TNIP3: variants seen among roughly 807,000 people sequenced by gnomAD.
The protein encoded by TNIP3 is TNFAIP3 interacting protein 3.
TNIP3 carries 34 observed loss-of-function variants against 54.1 expected under a neutral mutation model. The ratio of observed to expected loss-of-function variants is 0.63; its 90% CI spans 0.48 to 0.84. The LOEUF is 0.84. TNIP3 is among the 40% of genes least tolerant of loss of function. The pLI, the probability that TNIP3 is intolerant of heterozygous loss-of-function variation, is 0.00. For missense variants in TNIP3, 366 were observed against 387.6 expected, an observed-to-expected ratio of 0.94 and a Z score of 0.47; for synonymous variants, 134 against 136.8, an observed-to-expected ratio of 0.98 and a Z score of 0.14.
At chr4:121,140,107 G>T (rs1165793706) in intron 9 of TNIP3, among the ~76,000 whole-genome samples, 1 of 152,006 alleles carries the variant, frequency 6.6e-6, no homozygotes, top group Non-Finnish European at 1.5e-5. Flanking sequence ...AGGCCAAGGT[G>T]GGCGGATCAT....
In TNIP3 at chr4:121,150,271, A is replaced by G. The variant is rs759333088; in HGVS notation, c.493-52T>C. The G allele has an allele frequency of 1.1e-5, 13 of 1,137,506 alleles. No individual in the cohort carries two copies. The Admixed American group carries it at 1.2e-4, about 10-fold the overall frequency. 70.5% of individuals were successfully genotyped at this position (1,137,506 alleles called of 1,614,324 possible). ...GATCTAAGATTTACCACATGGAATG[A>G]ATTCTTTTATAATTGTTACAATCAT... On this transcript the variant is annotated intron_variant, in intron 5 of 10. Coordinates refer to ENST00000057513, the MANE Select transcript of TNIP3 (RefSeq NM_024873.6).
intron 2 of TNIP3, among the ~76,000 whole-genome samples, chr4:121,203,219 A>AGATAGAT (rs772916992): frequency 8.1e-5 from 11 of 135,166 alleles, no homozygotes; most frequent in Non-Finnish European, 1.6e-4. Context: ...AATGTGATAT[A>AGATAGAT]GATAGATAGA....
At chr4:121,187,338 C>A (rs1725075222) in intron 2 of TNIP3, among the ~76,000 whole-genome samples, 1 of 152,170 alleles carries the variant, frequency 6.6e-6, no homozygotes, top group Non-Finnish European at 1.5e-5. Flanking sequence ...AGTTATGGCT[C>A]CAATGATCTC....
At chr4:121,194,939 G>A (rs1225508598) in intron 2 of TNIP3, among the ~76,000 whole-genome samples, 2 of 152,094 alleles carry the variant, frequency 1.3e-5, no homozygotes, top group Non-Finnish European at 2.9e-5. Flanking sequence ...AAGCCAAGGT[G>A]GGCGGATCAC....
upstream of TNIP3, among the ~76,000 whole-genome samples, chr4:121,218,361 A>C (rs965276968): frequency 2.0e-5 from 3 of 152,214 alleles, no homozygotes; most frequent in African/African-American, 7.2e-5. Flanking sequence ...GACATTAATT[A>C]GTTTACTGAA....
chr4:121,180,371 G>A (rs983047200), intron 3 of TNIP3, among the ~76,000 whole-genome samples: 1 of 152,110 alleles, frequency 6.6e-6, no homozygotes, highest in African/African-American at 2.4e-5. Flanking sequence ...CTGCACTCCA[G>A]CCTGGGCGAC....
At chr4:121,165,393 C>G (rs569088472), upstream of TNIP3, among the ~76,000 whole-genome samples, 25 of 152,032 alleles carry the variant, frequency 1.6e-4, no homozygotes, top group Non-Finnish European at 2.9e-4. Flanking sequence ...TCTCTGGGCC[C>G]TCCATCCAAC....
At chr4:121,188,742 G>A (rs1725149554) in intron 2 of TNIP3, among the ~76,000 whole-genome samples, 1 of 152,114 alleles carries the variant, frequency 6.6e-6, no homozygotes, top group African/African-American at 2.4e-5. Context: ...TGAATACCCA[G>A]CTCCTCAAAT....
intron 3 of TNIP3, 129 bp from the exon 4 acceptor site, chr4:121,157,372 G>A (rs1403371171): frequency 2.1e-5 from 24 of 1,151,786 alleles, no homozygotes; most frequent in Non-Finnish European, 2.9e-5. Context: ...AGAGGTTCTA[G>A]CTCCCACCGT....
At chr4:121,146,913 G>A in intron 7 of TNIP3, 136 bp downstream of exon 7, 1 of 868,660 alleles carries the variant, frequency 1.2e-6, no homozygotes, top group Non-Finnish European at 1.7e-6. Context: ...GATTGTTTAA[G>A]AATGACTTCA....
chr4:121,161,089 G>T, intron 2 of TNIP3, 47 bp downstream of exon 2: 1 of 1,358,840 alleles, frequency 7.4e-7, no homozygotes, highest in Non-Finnish European at 1.0e-6. Context: ...TTTATCCTCA[G>T]CATTAATCCA....
chr4:121,139,417 C>T (rs1211143342), intron 9 of TNIP3, among the ~76,000 whole-genome samples: 1 of 152,214 alleles, frequency 6.6e-6, no homozygotes, highest in South Asian at 2.1e-4. Context: ...GTATTTAACG[C>T]TTAGGAATGG....
intron 2 of TNIP3, among the ~76,000 whole-genome samples, chr4:121,189,443 A>T (rs761071685): frequency 1.2e-4 from 18 of 152,234 alleles, no homozygotes; most frequent in Non-Finnish European, 1.9e-4. Flanking sequence ...TGTGTAAAAG[A>T]TGCTAATCAA....
intron 1 of TNIP3, among the ~76,000 whole-genome samples, chr4:121,227,176 A>T (rs1350959073): frequency 6.6e-6 from 1 of 152,276 alleles, no homozygotes; most frequent in Non-Finnish European, 1.5e-5. Context: ...AACACCATGC[A>T]TTATTACATT....
chr4:121,145,924 C>A (rs1579382047), intron 7 of TNIP3, among the ~76,000 whole-genome samples: 1 of 151,164 alleles, frequency 6.6e-6, no homozygotes, highest in East Asian at 1.9e-4. Flanking sequence ...TTGCGGTGAG[C>A]CGAGATCATG....
chr4:121,175,986 A>C (rs1311716771), intron 3 of TNIP3, among the ~76,000 whole-genome samples: 2 of 152,216 alleles, frequency 1.3e-5, no homozygotes, highest in Non-Finnish European at 2.9e-5. Flanking sequence ...CCTGATATTC[A>C]TGTAGAGTGG....
intron 5 of TNIP3, 146 bp downstream of exon 5, chr4:121,154,405 T>G (rs1485539143): frequency 4.7e-6 from 5 of 1,061,948 alleles, no homozygotes; most frequent in Non-Finnish European, 5.5e-6. Flanking sequence ...CAGCTAGGAG[T>G]GATTTATAAA....
intron 3 of TNIP3, among the ~76,000 whole-genome samples, chr4:121,172,344 T>G (rs1037964257): frequency 1.3e-5 from 2 of 152,070 alleles, no homozygotes; most frequent in African/African-American, 4.8e-5. Context: ...AGAGTCAAAT[T>G]GAGGAGGATG....
intron 1 of TNIP3, chr4:121,227,305 T>C (rs1236462694): frequency 4.5e-6 from 6 of 1,329,446 alleles, no homozygotes; most frequent in Non-Finnish European, 6.2e-6. Context: ...TTTATGCATT[T>C]TAAAAAAGAA....
Sources: allele counts gnomAD v4.1 joint callset (sites outside exome capture counted in the v4.1 genomes callset), GRCh38; gene constraint gnomAD v4.1.1; transcripts MANE v1.5; gene names NCBI Gene and HGNC (gene_info 2026-07-23, HGNC 2026-07-21).